AKAP12: variants seen among roughly 807,000 people sequenced by gnomAD.
The protein encoded by AKAP12 is A-kinase anchoring protein 12.
Under a neutral mutation model 79.9 loss-of-function variants are expected in AKAP12, and 32 were observed. The ratio of observed to expected loss-of-function variants is 0.40; its 90% CI spans 0.30 to 0.54. The LOEUF (loss-of-function observed/expected upper bound fraction) is 0.54, where lower values mean the gene tolerates loss of function less well. Ranked by LOEUF, AKAP12 falls within the 20% of genes least tolerant of loss-of-function variation. The pLI is 0.48. For missense variants in AKAP12, 2,074 were observed against 2,177.0 expected (o/e 0.95, Z 0.94); for synonymous variants, 808 against 857.0 (o/e 0.94, Z 1.00).
chr6:151,346,456 A>G (rs577892507), intron 3 of AKAP12, among the ~76,000 whole-genome samples: 113 of 152,258 alleles, frequency 7.4e-4, no homozygotes, highest in Non-Finnish European at 1.3e-3. Flanking sequence ...TTGACATTTC[A>G]GGCCAGGCTA....
At chr6:151,313,236 G>A (rs528114482) in intron 3 of AKAP12, among the ~76,000 whole-genome samples, 9 of 152,190 alleles carry the variant, frequency 5.9e-5, no homozygotes, top group African/African-American at 1.4e-4. Context: ...TGACCTGCAC[G>A]TGATTAAATG....
Position 151,349,590 on chromosome 6 carries a change from C to T in AKAP12, c.1199C>T (p.Ala400Val), listed in dbSNP as rs375304572. 7.6e-5 allele frequency: 123 copies of T among 1,611,130 alleles called. No individual in the cohort carries two copies. Among genetic ancestry groups the T allele is most frequent in the Non-Finnish European group, 9.3e-5 (110 of 1,179,082 alleles). The change falls in exon 4 of 5, where the codon GCG becomes GTG. Residue 400 changes from alanine to valine, a missense_variant. By Grantham distance (64) the Ala-to-Val change is moderately conservative (BLOSUM62 0). This residue lies in a region of AKAP12 where 1,428 missense variants were observed against 1,451.0 expected (regional missense o/e 0.98). Transcript: ENST00000402676. ...TCTGAAGAGAAACCTGCTCCGTTGG[C>T]GACAGAAGTGTTTGATGAGAAAATA... ...GPSEEKPAPL[A>V]TEVFDEKIEV...
intron 2 of AKAP12, among the ~76,000 whole-genome samples, chr6:151,295,892 T>C (rs1776713758): frequency 6.6e-6 from 1 of 152,178 alleles, no homozygotes. Flanking sequence ...ACAGGGACTC[T>C]GGGTGATGGT....
chr6:151,303,062 A>G (rs2114752511), intron 2 of AKAP12, among the ~76,000 whole-genome samples: 1 of 152,240 alleles, frequency 6.6e-6, no homozygotes, highest in East Asian at 1.9e-4. Flanking sequence ...GCGCAGTGGC[A>G]GGCACCTGTA....
intron 3 of AKAP12, among the ~76,000 whole-genome samples, chr6:151,346,077 C>G (rs1017624463): frequency 2.6e-5 from 4 of 151,998 alleles, no homozygotes; most frequent in Non-Finnish European, 4.4e-5. Flanking sequence ...TTCATCTCAT[C>G]TAATCCCAAA....
At chr6:151,256,600 TTA>T (rs1477488255) in intron 2 of AKAP12, among the ~76,000 whole-genome samples, 2 of 152,098 alleles carry the variant, frequency 1.3e-5, no homozygotes. Flanking sequence ...ATTGTATTTT[TTA>T]TATATGTGTG....
chr6:151,334,488 A>G (rs77354896), intron 3 of AKAP12, among the ~76,000 whole-genome samples: 13,158 of 151,870 alleles, frequency 0.087, 638 homozygotes, highest in Admixed American at 0.15. Flanking sequence ...CCAGCTACTC[A>G]GGAGGCTGAG....
In AKAP12 at chr6:151,350,736, A is replaced by G. The variant is rs145053659; in HGVS notation, c.2345A>G (p.Asp782Gly). ...SKSKLEEKSE[D>G]SIAGSGVEHS... ...TCCAAGCTGGAAGAGAAAAGCGAAG[A>G]CTCCATAGCTGGGTCTGGTGTAGAA... The change falls in exon 4 of 5, where the codon GAC becomes GGC. Residue 782 changes from aspartate (D) to glycine (G), a missense_variant. Around this residue, in one of 3 missense-constraint regions of AKAP12, gnomAD observed 1,428 missense variants for 1,451.0 expected, o/e 0.98. Transcript: ENST00000402676. The surrounding 1 kb of genome is among the most constrained non-coding windows in gnomAD (Gnocchi z 4.8). The G allele has an allele frequency of 6.2e-7, 1 of 1,613,680 alleles. No individual in the cohort carries two copies. The highest frequency in any genetic ancestry group is 1.7e-5 in the Admixed American group (1 of 59,912).
chr6:151,261,725 T>A (rs1797440788), intron 2 of AKAP12, among the ~76,000 whole-genome samples: 1 of 141,968 alleles, frequency 7.0e-6, no homozygotes, highest in South Asian at 2.4e-4. Context: ...CAACAGTGGT[T>A]TTTATTATTT....
intron 2 of AKAP12, among the ~76,000 whole-genome samples, chr6:151,303,011 C>T (rs919877549): frequency 2.0e-5 from 3 of 151,578 alleles, no homozygotes; most frequent in Admixed American, 6.6e-5. Context: ...GCCTGGCCAA[C>T]ACGAAATCCC....
At chr6:151,258,926 CTGTGTGTGTG>C (rs35650826) in intron 2 of AKAP12, among the ~76,000 whole-genome samples, 1 of 147,984 alleles carries the variant, frequency 6.8e-6, no homozygotes, top group Admixed American at 6.8e-5. Flanking sequence ...TGTGCCCAGC[CTGTGTGTGTG>C]TGTGTGTGTG....
chr6:151,264,737 TAGG>T (rs1797515229), intron 2 of AKAP12, among the ~76,000 whole-genome samples: 1 of 152,096 alleles, frequency 6.6e-6, no homozygotes, highest in Non-Finnish European at 1.5e-5. Context: ...GGTACATTTT[TAGG>T]TAATATATCT....
intron 2 of AKAP12, among the ~76,000 whole-genome samples, chr6:151,300,132 C>T (rs1434259492): frequency 6.6e-6 from 1 of 151,582 alleles, no homozygotes; most frequent in African/African-American, 2.4e-5. Flanking sequence ...AAAACACTTT[C>T]TATTAGAATG....
intron 3 of AKAP12, among the ~76,000 whole-genome samples, chr6:151,327,734 CT>C (rs755644710): frequency 5.1e-4 from 77 of 152,142 alleles, no homozygotes; most frequent in South Asian, 1.4e-3. Context: ...GAAGGACTAA[CT>C]TTTAAGGCAA....
At chr6:151,285,009 T>C (rs1199275398) in intron 2 of AKAP12, among the ~76,000 whole-genome samples, 1 of 152,204 alleles carries the variant, frequency 6.6e-6, no homozygotes, top group African/African-American at 2.4e-5. Flanking sequence ...AGATGCAGTA[T>C]GAGCATGTGG....
At chr6:151,268,398 C>A (rs1257858532) in intron 2 of AKAP12, among the ~76,000 whole-genome samples, 1 of 152,070 alleles carries the variant, frequency 6.6e-6, no homozygotes, top group Non-Finnish European at 1.5e-5. Flanking sequence ...GCCTGAGCAA[C>A]AAGAGTGAAA....
chr6:151,326,418 G>A (rs1019542598), intron 3 of AKAP12, among the ~76,000 whole-genome samples: 1 of 151,050 alleles, frequency 6.6e-6, no homozygotes, highest in African/African-American at 2.4e-5. Flanking sequence ...GCTTTAAGTG[G>A]TGGTTTTAAT....
chr6:151,343,893 T>G (rs764569023), intron 3 of AKAP12: 46 of 438,376 alleles, frequency 1.0e-4, no homozygotes, highest in Admixed American at 9.6e-4. Flanking sequence ...TAGGAACAAA[T>G]AGAAACTTAA....
intron 4 of AKAP12, among the ~76,000 whole-genome samples, chr6:151,354,841 G>A (rs1187779235): frequency 2.0e-5 from 3 of 151,908 alleles, no homozygotes; most frequent in African/African-American, 2.4e-5. Context: ...TCATTACTCC[G>A]AGCTAATTGT....
Sources: allele counts gnomAD v4.1 joint callset (sites outside exome capture counted in the v4.1 genomes callset), GRCh38; gene constraint gnomAD v4.1.1; regional missense constraint gnomAD v4.1.1; non-coding constraint Gnocchi (gnomAD v3.1); transcripts MANE v1.5; gene names NCBI Gene and HGNC (gene_info 2026-07-23, HGNC 2026-07-21).